CHODL: variants seen among roughly 807,000 people sequenced by gnomAD.
CHODL encodes chondrolectin, also known as transmembrane protein MT75.
A neutral mutation model predicts 34.5 loss-of-function variants in CHODL; 29 were observed. The ratio of observed to expected loss-of-function variants is 0.84; its 90% CI spans 0.63 to 1.15. The LOEUF is 1.15. Among genes scored for constraint, CHODL ranks in the 50% most tolerant of loss-of-function variants. CHODL has a pLI of 0.00. For synonymous variants in CHODL, 125 were observed against 116.1 expected, an observed-to-expected ratio of 1.08 and a Z score of -0.49; for missense variants, 332 against 332.5, an observed-to-expected ratio of 1.00 and a Z score of 0.01.
intron 2 of CHODL, among the ~76,000 whole-genome samples, chr21:18,193,856 A>G (rs144999746): frequency 3.3e-5 from 5 of 152,254 alleles, no homozygotes; most frequent in African/African-American, 1.2e-4. Context: ...GGAATTCAGT[A>G]TTCAGACCTA....
chr21:17,929,924 C>T (rs1329292973), intron 1 of CHODL, among the ~76,000 whole-genome samples: 1 of 152,106 alleles, frequency 6.6e-6, no homozygotes, highest in African/African-American at 2.4e-5. Flanking sequence ...ATTGAGCACC[C>T]TTGCTTTCAC....
intron 2 of CHODL, among the ~76,000 whole-genome samples, chr21:18,167,475 A>T (rs2073173198): frequency 6.6e-6 from 1 of 151,454 alleles, no homozygotes; most frequent in African/African-American, 2.4e-5. Flanking sequence ...ACGCCCGGCT[A>T]ATTTTTTGTA....
At chr21:18,073,260 G>A (rs531651381) in intron 2 of CHODL, among the ~76,000 whole-genome samples, 21 of 152,204 alleles carry the variant, frequency 1.4e-4, no homozygotes, top group African/African-American at 5.1e-4. Context: ...AAATTAAGGT[G>A]AAAATCTGAA....
At chr21:18,051,180 T>C (rs528310059) in intron 2 of CHODL, among the ~76,000 whole-genome samples, 1 of 152,052 alleles carries the variant, frequency 6.6e-6, no homozygotes, top group South Asian at 2.1e-4. Flanking sequence ...CATGGCGGTG[T>C]TGGGTTTTCT....
intron 1 of CHODL, among the ~76,000 whole-genome samples, chr21:17,993,764 CT>C (rs2063821270): frequency 6.6e-6 from 1 of 152,152 alleles, no homozygotes; most frequent in Non-Finnish European, 1.5e-5. Context: ...AATAGTATTT[CT>C]GTTTTTATGT....
intron 2 of CHODL, among the ~76,000 whole-genome samples, chr21:18,131,916 A>T (rs2146595537): frequency 6.6e-6 from 1 of 152,256 alleles, no homozygotes; most frequent in South Asian, 2.1e-4. Context: ...CATGGGGTAC[A>T]ACTTATTTTT....
In CHODL at chr21:18,172,152, C is replaced by G. The variant is rs1407343499; in HGVS notation, c.-44-84357C>G. 2.0e-5 allele frequency among the ~76,000 whole-genome samples: 3 copies of G among 152,032 alleles called. No homozygotes were observed. In the South Asian group the frequency reaches 6.2e-4, roughly 32 times the overall value. Reference sequence around the variant, plus strand: ...TGAGCATCTCATCCCACAGCTTTTCCTTTTATTTTTTTTTCTTTTGAGCCT... The same window carrying G: ...TGAGCATCTCATCCCACAGCTTTTCGTTTTATTTTTTTTTCTTTTGAGCCT... On this transcript the variant is annotated intron_variant, in intron 2 of 6. Coordinates refer to the CHODL transcript ENST00000400127.
chr21:17,973,905 C>T (rs113612809), intron 1 of CHODL, among the ~76,000 whole-genome samples: 4 of 151,882 alleles, frequency 2.6e-5, no homozygotes, highest in African/African-American at 9.7e-5. Flanking sequence ...TTCCTCCTTG[C>T]TCAGCTTAAG....
intron 2 of CHODL, among the ~76,000 whole-genome samples, chr21:18,128,296 C>CAAAAAAAAAAAAAAAAAAAAAA (rs71189585): frequency 3.6e-5 from 1 of 28,058 alleles, no homozygotes; most frequent in Non-Finnish European, 6.2e-5. Context: ...GCAAGAGTCT[C>CAAAAAAAAAAAAAAAAAAAAAA]AAAAAAAAAA....
At chr21:18,054,064 C>T (rs1265141274) in intron 2 of CHODL, among the ~76,000 whole-genome samples, 1 of 151,610 alleles carries the variant, frequency 6.6e-6, no homozygotes, top group African/African-American at 2.4e-5. Context: ...TATGGTTTTC[C>T]TGGTACAGGC....
intron 2 of CHODL, among the ~76,000 whole-genome samples, chr21:18,119,436 T>C (rs950335290): frequency 3.9e-5 from 6 of 152,112 alleles, no homozygotes; most frequent in African/African-American, 1.4e-4. Context: ...GCATGTACTG[T>C]AGTGTTCACA....
intron 1 of CHODL, among the ~76,000 whole-genome samples, chr21:17,938,539 C>T (rs977312809): frequency 8.2e-6 from 1 of 121,730 alleles, no homozygotes; most frequent in Non-Finnish European, 1.6e-5. Context: ...AGTGCAGTGG[C>T]TCGATCTCGG....
At chr21:17,928,901 T>C (rs1024642508) in intron 1 of CHODL, among the ~76,000 whole-genome samples, 3 of 152,254 alleles carry the variant, frequency 2.0e-5, no homozygotes, top group Non-Finnish European at 2.9e-5. Context: ...TGTATTTCAA[T>C]TTTTATTCTA....
intron 2 of CHODL, among the ~76,000 whole-genome samples, chr21:18,174,098 G>GAGATATATATATATATCTTGGTATTT (rs1568922980): frequency 1.1e-5 from 1 of 94,798 alleles, no homozygotes; most frequent in Non-Finnish European, 2.4e-5. Flanking sequence ...ACAAATACAG[G>GAGATATATATATATATCTTGGTATTT]ATATATATAT....
At chr21:18,066,879 T>C (rs553660309) in intron 2 of CHODL, among the ~76,000 whole-genome samples, 1 of 152,142 alleles carries the variant, frequency 6.6e-6, no homozygotes, top group South Asian at 2.1e-4. Flanking sequence ...TTATGGGAAG[T>C]GACACAATAG....
chr21:17,995,985 C>A (rs911386920), intron 1 of CHODL, among the ~76,000 whole-genome samples: 3 of 152,186 alleles, frequency 2.0e-5, no homozygotes, highest in African/African-American at 7.2e-5. Flanking sequence ...TTATCTCACC[C>A]ATGTATCCTG....
intron 2 of CHODL, among the ~76,000 whole-genome samples, chr21:18,194,649 A>G (rs2073560637): frequency 6.6e-6 from 1 of 152,000 alleles, no homozygotes; most frequent in Admixed American, 6.6e-5. Flanking sequence ...TAAAAATTGT[A>G]TGCATGTATT....
intron 1 of CHODL, among the ~76,000 whole-genome samples, chr21:17,925,501 G>C (rs2063215638): frequency 6.6e-6 from 1 of 152,016 alleles, no homozygotes; most frequent in Non-Finnish European, 1.5e-5. Context: ...ACTGACCTTT[G>C]GCATTATTCA....
chr21:17,961,362 G>A (rs1394917753), intron 1 of CHODL, among the ~76,000 whole-genome samples: 1 of 152,202 alleles, frequency 6.6e-6, no homozygotes, highest in Non-Finnish European at 1.5e-5. Flanking sequence ...GATCAGTTTT[G>A]AAAGGTTCCT....
Sources: gnomAD v4.1 joint callset for allele counts (sites outside exome capture counted in the v4.1 genomes callset) on GRCh38, gnomAD v4.1.1 for gene constraint, MANE v1.5 for transcripts, NCBI Gene and HGNC (gene_info 2026-07-23, HGNC 2026-07-21) for gene names.